Variants in WDPCP observed in about 807,000 individuals in gnomAD.
WDPCP encodes WD repeat containing planar cell polarity effector.
In WDPCP, 71 loss-of-function variants were observed where a neutral mutation model predicts 93.1. The observed-to-expected ratio is 0.76, with a 90% CI of 0.63 to 0.93. The LOEUF is 0.93. Among genes scored for constraint, WDPCP ranks in the 40% least tolerant of loss-of-function variants. The pLI is 0.00. For missense variants in WDPCP, 844 were observed against 887.4 expected, an observed-to-expected ratio of 0.95 and a Z score of 0.62; for synonymous variants, 315 against 315.0, an observed-to-expected ratio of 1.00 and a Z score of 0.00.
intron 2 of WDPCP, among the ~76,000 whole-genome samples, chr2:63,706,472 C>T (rs1451534203): frequency 6.6e-6 from 1 of 151,946 alleles, no homozygotes; most frequent in African/African-American, 2.4e-5. Flanking sequence ...CCTTCAGGAG[C>T]TCTTTTAGGG....
At chr2:63,207,396 T>C (rs1042499776) in intron 14 of WDPCP, among the ~76,000 whole-genome samples, 14 of 152,106 alleles carry the variant, frequency 9.2e-5, no homozygotes, top group African/African-American at 2.9e-4. Context: ...ACCACCCTGA[T>C]TGTAAGTTTC....
chr2:63,142,741 ATTCTTAGGTCTATTAGTAATTGT>A (rs1340220727), intron 17 of WDPCP, among the ~76,000 whole-genome samples: 3 of 150,064 alleles, frequency 2.0e-5, no homozygotes, highest in Non-Finnish European at 3.0e-5. Flanking sequence ...TCTTAGGTCT[ATTCTTAGGTCTATTAGTAATTGT>A]TTCTTAGGTC....
chr2:63,576,114 T>C (rs1708097246), intron 1 of WDPCP, among the ~76,000 whole-genome samples: 1 of 152,214 alleles, frequency 6.6e-6, no homozygotes, highest in Non-Finnish European at 1.5e-5. Context: ...CTCTGCACAC[T>C]ATAAGCAATC....
At chr2:63,795,833 T>C (rs1414291815) in intron 2 of WDPCP, among the ~76,000 whole-genome samples, 2 of 152,214 alleles carry the variant, frequency 1.3e-5, no homozygotes, top group Admixed American at 1.3e-4. Flanking sequence ...TGTATGATAC[T>C]ACTGGCTCTC....
chr2:63,575,351 GGTATATACA>G (rs1229135119), intron 1 of WDPCP, among the ~76,000 whole-genome samples: 4,442 of 107,358 alleles, frequency 0.041, 324 homozygotes, highest in African/African-American at 0.06. Context: ...TACTGTATAT[GGTATATACA>G]GTATATACAG....
At chr2:63,277,068 A>G (rs1683141932) in intron 13 of WDPCP, among the ~76,000 whole-genome samples, 1 of 152,206 alleles carries the variant, frequency 6.6e-6, no homozygotes, top group Admixed American at 6.5e-5. Flanking sequence ...TTGGGGTCCT[A>G]TTTTTAGCCT....
intron 2 of WDPCP, among the ~76,000 whole-genome samples, chr2:63,778,218 G>GTT (rs68186967): frequency 2.0e-5 from 3 of 150,736 alleles, no homozygotes; most frequent in African/African-American, 7.3e-5. Flanking sequence ...TTTGTTTTTT[G>GTT]TTTTTTTGAG....
rs531778783 is a variant in WDPCP, at chr2:63,206,365, C to G, written c.1916-31533G>C. 4.6e-5 allele frequency among the ~76,000 whole-genome samples: 7 copies of G among 152,242 alleles called. No homozygotes were observed. The South Asian group carries it at 1.5e-3, about 32-fold the overall frequency. ...TTACTCGAATTAGTAACCAATTTCC[C>G]CCTTTATCCTTTTTCTCTCCCAGTG... On this transcript the variant is annotated intron_variant, in intron 14 of 17. Transcript: ENST00000272321.
chr2:63,474,299 T>G (rs956778078), intron 6 of WDPCP, among the ~76,000 whole-genome samples: 6 of 152,212 alleles, frequency 3.9e-5, no homozygotes, highest in Admixed American at 2.6e-4. Flanking sequence ...CATGGCAAAT[T>G]AGAAAATTTA....
At chr2:63,644,013 C>G (rs1373412516) in intron 3 of WDPCP, 1 of 456,560 alleles carries the variant, frequency 2.2e-6, no homozygotes, top group Non-Finnish European at 4.4e-6. Context: ...GGAGCTGGTA[C>G]TCACTTCAGA....
chr2:63,701,109 C>T (rs1669042932), intron 2 of WDPCP, among the ~76,000 whole-genome samples: 1 of 152,078 alleles, frequency 6.6e-6, no homozygotes, highest in Non-Finnish European at 1.5e-5. Context: ...GCTCATCTGA[C>T]AAAGGATTAA....
chr2:63,549,980 C>G (rs1705459317), intron 1 of WDPCP, among the ~76,000 whole-genome samples: 1 of 152,058 alleles, frequency 6.6e-6, no homozygotes, highest in African/African-American at 2.4e-5. Context: ...CTGCTTCCCT[C>G]CACTCCAGAC....
intron 10 of WDPCP, among the ~76,000 whole-genome samples, chr2:63,384,487 C>G (rs1692569031): frequency 1.3e-5 from 2 of 152,004 alleles, no homozygotes; most frequent in South Asian, 2.1e-4. Context: ...TTAAAAAAAC[C>G]TTTACACATA....
intron 15 of WDPCP, among the ~76,000 whole-genome samples, chr2:63,166,834 A>G (rs1673028219): frequency 6.6e-6 from 1 of 152,216 alleles, no homozygotes; most frequent in African/African-American, 2.4e-5. Flanking sequence ...TTATTAAAAT[A>G]TACAATAAAT....
In WDPCP at chr2:63,652,257, C is replaced by A. The variant is rs1381004829; in HGVS notation, n.309-1419G>T. Among the ~76,000 whole-genome samples the A allele has an allele frequency of 2.0e-5, 3 of 152,200 alleles. No individual in the cohort carries two copies. The East Asian group carries it at 5.8e-4, about 29-fold the overall frequency. On this transcript the variant is annotated intron_variant and non_coding_transcript_variant, in intron 2 of 4. Coordinates refer to the WDPCP transcript ENST00000467687. The stretch of plus-strand genomic sequence containing the variant: ...AGACACAGACACAATGTCCAGTTAA[C>A]TTTGGAGGCTTGTGTATGGCTTCCA...
In WDPCP at chr2:63,122,060, C is replaced by A. The variant is rs1044455747; in HGVS notation, c.2191-4G>T. Reference sequence around the variant, plus strand: ...GAGAACCACCATCTCTGATTTCCTGCAAATAAACAAATAAAAATAATGTTT... The same window carrying A: ...GAGAACCACCATCTCTGATTTCCTGAAAATAAACAAATAAAAATAATGTTT... On this transcript the variant is annotated splice_region_variant and splice_polypyrimidine_tract_variant and intron_variant, in intron 17 of 17. Coordinates refer to ENST00000272321, the MANE Select transcript of WDPCP (RefSeq NM_015910.7). 3.8e-6 allele frequency: 6 copies of A among 1,587,184 alleles called. No homozygotes were observed. Among genetic ancestry groups the A allele is most frequent in the East Asian group, 2.2e-5 (1 of 44,586 alleles).
At chr2:63,588,157 A>G in intron 1 of WDPCP, 40 bp downstream of exon 1, 2 of 1,550,668 alleles carry the variant, frequency 1.3e-6, no homozygotes, top group Admixed American at 2.0e-5. Flanking sequence ...CCGGATCCTA[A>G]GGTTAAAAGA....
At chr2:63,528,989 G>A (rs1190113809) in intron 1 of WDPCP, among the ~76,000 whole-genome samples, 1 of 152,182 alleles carries the variant, frequency 6.6e-6, no homozygotes, top group Non-Finnish European at 1.5e-5. Context: ...GTGAATGGGA[G>A]TTCACTCATG....
intron 3 of WDPCP, among the ~76,000 whole-genome samples, chr2:63,598,490 G>C (rs1709359560): frequency 6.6e-6 from 1 of 152,028 alleles, no homozygotes; most frequent in Non-Finnish European, 1.5e-5. Flanking sequence ...CAGCAAATAG[G>C]CTTGCCGGTT....
Sources: gnomAD v4.1 joint callset for allele counts (sites outside exome capture counted in the v4.1 genomes callset) on GRCh38, gnomAD v4.1.1 for gene constraint, MANE v1.5 for transcripts, NCBI Gene and HGNC (gene_info 2026-07-23, HGNC 2026-07-21) for gene names.